The following DLG2 variants were observed in gnomAD, a reference collection of about 807,000 sequenced individuals.
The protein encoded by DLG2 is discs large MAGUK scaffold protein 2.
DLG2 carries 45 observed loss-of-function variants against 132.5 expected under a neutral mutation model. The ratio of observed to expected loss-of-function variants is 0.34; its 90% CI spans 0.27 to 0.44. The LOEUF (loss-of-function observed/expected upper bound fraction) is 0.44. DLG2 is among the 20% of genes least tolerant of loss of function. The probability of loss-of-function intolerance (pLI) is 1.00; values close to 1 mark genes in which losing one functional copy is unlikely to be tolerated. For synonymous variants in DLG2, 424 were observed against 419.6 expected (o/e 1.01, Z -0.13); for missense variants, 1,045 against 1,196.9 (o/e 0.87, Z 1.87).
At chr11:84,232,896 G>A (rs2154337284) in intron 8 of DLG2, among the ~76,000 whole-genome samples, 1 of 152,272 alleles carries the variant, frequency 6.6e-6, no homozygotes, top group South Asian at 2.1e-4. Flanking sequence ...TGAATGACAA[G>A]GAAGCTTAGT....
At chr11:84,471,066 A>G (rs950343024) in intron 7 of DLG2, among the ~76,000 whole-genome samples, 7 of 151,614 alleles carry the variant, frequency 4.6e-5, no homozygotes, top group Non-Finnish European at 7.4e-5. Flanking sequence ...TCTCAAGACC[A>G]TCTCAAACTC....
chr11:85,123,326 T>G (rs766448113), intron 5 of DLG2, among the ~76,000 whole-genome samples: 1 of 151,862 alleles, frequency 6.6e-6, no homozygotes, highest in Non-Finnish European at 1.5e-5. Flanking sequence ...GTGGAAAATG[T>G]ATAGGAGTGG....
chr11:83,938,843 G>C (rs769736124), intron 14 of DLG2, among the ~76,000 whole-genome samples: 5 of 152,194 alleles, frequency 3.3e-5, no homozygotes, highest in African/African-American at 4.8e-5. Flanking sequence ...GATAAATACG[G>C]AAGAGTGAGA....
At chr11:84,641,992 T>C (rs2099667190) in intron 6 of DLG2, among the ~76,000 whole-genome samples, 1 of 147,968 alleles carries the variant, frequency 6.8e-6, no homozygotes, top group Non-Finnish European at 1.5e-5. Context: ...TGTGTATGTG[T>C]GTGTGGATAT....
At chr11:85,549,864 T>C (rs1332323909) in intron 3 of DLG2, among the ~76,000 whole-genome samples, 1 of 152,144 alleles carries the variant, frequency 6.6e-6, no homozygotes, top group African/African-American at 2.4e-5. Flanking sequence ...CATGGCAACA[T>C]CAGAAAGTTA....
At chr11:84,650,637 G>C (rs1256690486) in intron 6 of DLG2, among the ~76,000 whole-genome samples, 2 of 152,090 alleles carry the variant, frequency 1.3e-5, no homozygotes, top group South Asian at 4.2e-4. Context: ...TCTTGACTTT[G>C]AAGTCAGAGA....
At chr11:85,389,726 T>C (rs1275122989) in intron 3 of DLG2, among the ~76,000 whole-genome samples, 1 of 152,086 alleles carries the variant, frequency 6.6e-6, no homozygotes, top group Non-Finnish European at 1.5e-5. Flanking sequence ...AACAAAACAA[T>C]TATCAGCCAA....
At chr11:85,300,777 G>A (rs926540118) in intron 3 of DLG2, among the ~76,000 whole-genome samples, 5 of 152,142 alleles carry the variant, frequency 3.3e-5, no homozygotes, top group African/African-American at 1.2e-4. Context: ...CCCAAAGGAG[G>A]AAGAACATTC....
intron 6 of DLG2, among the ~76,000 whole-genome samples, chr11:84,916,329 AC>A (rs1489415722): frequency 7.9e-6 from 1 of 126,006 alleles, no homozygotes; most frequent in East Asian, 2.6e-4. Flanking sequence ...AGCCTGGGCG[AC>A]AGAGCGAGAC....
intron 18 of DLG2, among the ~76,000 whole-genome samples, chr11:83,771,403 A>AAAAT (rs1332893259): frequency 6.6e-6 from 1 of 152,228 alleles, no homozygotes; most frequent in African/African-American, 2.4e-5. Context: ...AAAGAAAATA[A>AAAAT]AAATACAGCA....
intron 7 of DLG2, among the ~76,000 whole-genome samples, chr11:84,318,380 G>C (rs2098381103): frequency 1.3e-5 from 2 of 152,132 alleles, no homozygotes; most frequent in South Asian, 4.1e-4. Flanking sequence ...AATAATTTTG[G>C]TTTAAGTGTG....
chr11:84,360,999 C>T (rs558569768), intron 7 of DLG2, among the ~76,000 whole-genome samples: 1 of 151,704 alleles, frequency 6.6e-6, no homozygotes, highest in South Asian at 2.1e-4. Context: ...TAGATGGGAT[C>T]AACCACAGAT....
chr11:83,640,291 AT>A (rs2066113121), intron 18 of DLG2, among the ~76,000 whole-genome samples: 1 of 152,186 alleles, frequency 6.6e-6, no homozygotes. Context: ...AATAAAGGAA[AT>A]TTGTGCTTTA....
chr11:84,686,230 G>A (rs147474018), intron 6 of DLG2, among the ~76,000 whole-genome samples: 3 of 152,298 alleles, frequency 2.0e-5, no homozygotes, highest in African/African-American at 7.2e-5. Flanking sequence ...TGAGAGTGCA[G>A]TTCTCCATAA....
chr11:85,420,567 T>C (rs1185560583), intron 3 of DLG2, among the ~76,000 whole-genome samples: 1 of 152,136 alleles, frequency 6.6e-6, no homozygotes, highest in Non-Finnish European at 1.5e-5. Context: ...CCCAAGGAGA[T>C]GGGAGTTTTA....
intron 10 of DLG2, among the ~76,000 whole-genome samples, chr11:84,086,924 C>CT (rs2096993820): frequency 6.6e-6 from 1 of 151,918 alleles, no homozygotes; most frequent in Non-Finnish European, 1.5e-5. Flanking sequence ...AATATGTGGC[C>CT]TTTTTTGTCT....
At chr11:83,655,455 A>G (rs1236903212) in intron 18 of DLG2, among the ~76,000 whole-genome samples, 1 of 152,188 alleles carries the variant, frequency 6.6e-6, no homozygotes, top group Non-Finnish European at 1.5e-5. Flanking sequence ...CAGGGAGAGC[A>G]CTTGTCAGAG....
chr11:84,674,711 A>G (rs886117047), intron 6 of DLG2, among the ~76,000 whole-genome samples: 1 of 152,150 alleles, frequency 6.6e-6, no homozygotes, highest in Non-Finnish European at 1.5e-5. Flanking sequence ...GTTTTTGACT[A>G]TAGGTACAAT....
At chr11:83,849,871 C>A (rs2154027878) in intron 16 of DLG2, among the ~76,000 whole-genome samples, 1 of 152,074 alleles carries the variant, frequency 6.6e-6, no homozygotes, top group South Asian at 2.1e-4. Flanking sequence ...ACTCCCTTTC[C>A]CCCGGCCTTC....
Sources: gnomAD v4.1 joint callset for allele counts (sites outside exome capture counted in the v4.1 genomes callset) on GRCh38, gnomAD v4.1.1 for gene constraint, MANE v1.5 for transcripts, NCBI Gene and HGNC (gene_info 2026-07-23, HGNC 2026-07-21) for gene names.